Variants in AFF3 observed in about 807,000 individuals in gnomAD.
AFF3 encodes AF4/FMR2 family member 3.
A neutral mutation model predicts 129.7 loss-of-function variants in AFF3; 32 were observed. That is an observed-to-expected ratio of 0.25 (90% CI 0.19 to 0.33). The LOEUF (loss-of-function observed/expected upper bound fraction) is 0.33. Among genes scored for constraint, AFF3 ranks in the 10% least tolerant of loss-of-function variants. The pLI, the probability that AFF3 is intolerant of heterozygous loss-of-function variation, is 1.00. For synonymous variants in AFF3, 644 were observed against 635.4 expected (o/e 1.01, Z -0.20); for missense variants, 1,373 against 1,592.0 (o/e 0.86, Z 2.34).
chr2:99,635,213 T>C (rs1192247529), intron 13 of AFF3, among the ~76,000 whole-genome samples: 1 of 151,926 alleles, frequency 6.6e-6, no homozygotes, highest in Non-Finnish European at 1.5e-5. Context: ...GTATATGATA[T>C]ATACACATAT....
intron 4 of AFF3, among the ~76,000 whole-genome samples, chr2:100,039,176 A>G (rs1414767303): frequency 2.0e-5 from 3 of 152,206 alleles, no homozygotes; most frequent in African/African-American, 7.2e-5. Context: ...AAAATCTACA[A>G]TGGCTTCCCC....
intron 11 of AFF3, among the ~76,000 whole-genome samples, chr2:99,715,873 C>T (rs945222280): frequency 1.3e-5 from 2 of 152,126 alleles, no homozygotes; most frequent in East Asian, 1.9e-4. Context: ...AGGGTTTCAC[C>T]GTGTTAGCCA....
intron 13 of AFF3, among the ~76,000 whole-genome samples, chr2:99,616,057 T>C (rs1681394138): frequency 6.6e-6 from 1 of 152,206 alleles, no homozygotes; most frequent in Non-Finnish European, 1.5e-5. Flanking sequence ...GGTGAAATCA[T>C]GTTGAGGGCA....
intron 7 of AFF3, among the ~76,000 whole-genome samples, chr2:99,944,334 A>C (rs1244681758): frequency 2.6e-5 from 4 of 152,204 alleles, no homozygotes; most frequent in Non-Finnish European, 5.9e-5. Context: ...ATCTGCCAAA[A>C]TTGGGATTGG....
At chr2:100,104,578 C>A in intron 3 of AFF3, 60 bp from the exon 4 acceptor site, 1 of 856,130 alleles carries the variant, frequency 1.2e-6, no homozygotes, top group Admixed American at 6.2e-5. Flanking sequence ...CCGCCGCCCG[C>A]CCACCGCCCA....
chr2:99,581,705 A>C lies in AFF3; in HGVS notation c.2793+1093T>G, dbSNP rs534866712. On this transcript the variant is annotated intron_variant, in intron 17 of 24. Coordinates refer to ENST00000672756, the MANE Select transcript of AFF3 (RefSeq NM_001386135.1). ...GGCCACCCAGCTGGTTGTGATAGGCACAGTGATTATGACAGGGGAGGGTTT... is the reference window on the plus strand; with the variant it reads ...GGCCACCCAGCTGGTTGTGATAGGCCCAGTGATTATGACAGGGGAGGGTTT... Among the ~76,000 whole-genome samples the C allele has an allele frequency of 2.6e-4, 39 of 151,344 alleles. 1 individual carries two copies. In the South Asian group the frequency reaches 5.9e-3, roughly 23 times the overall value.
At chr2:100,015,070 C>G (rs1386643275) in intron 4 of AFF3, among the ~76,000 whole-genome samples, 3 of 150,896 alleles carry the variant, frequency 2.0e-5, no homozygotes, top group Non-Finnish European at 4.4e-5. Context: ...CCCCAAAGTG[C>G]TGGAATTACA....
At chr2:99,641,081 A>G (rs1474995603) in intron 13 of AFF3, among the ~76,000 whole-genome samples, 1 of 152,174 alleles carries the variant, frequency 6.6e-6, no homozygotes, top group African/African-American at 2.4e-5. Flanking sequence ...TGCCCAGGCC[A>G]TTCCTTCTGT....
At chr2:99,738,626 A>T (rs1680451524) in intron 10 of AFF3, among the ~76,000 whole-genome samples, 1 of 152,110 alleles carries the variant, frequency 6.6e-6, no homozygotes, top group Non-Finnish European at 1.5e-5. Context: ...TTAAATAAAA[A>T]ATTGGTTAAC....
rs185289021 is a variant in AFF3 at position 99,683,055 on chromosome 2, G to C, written c.1092-10466C>G. Among the ~76,000 whole-genome samples, 101 of 152,332 alleles carry C rather than the reference G, an allele frequency of 6.6e-4. 1 individual carries two copies. The East Asian group carries it at 0.012, about 19-fold the overall frequency. ...CCTGGCCCTCCTGATGGGTTTGGAAGGCACTAATTCCCTATGTTAAGTGTC... is the reference window on the plus strand; with the variant it reads ...CCTGGCCCTCCTGATGGGTTTGGAACGCACTAATTCCCTATGTTAAGTGTC... On this transcript the variant is annotated intron_variant, in intron 11 of 24. Coordinates refer to ENST00000672756, the MANE Select transcript of AFF3 (RefSeq NM_001386135.1).
At chr2:99,935,030 C>T (rs1190734839) in intron 7 of AFF3, among the ~76,000 whole-genome samples, 1 of 152,172 alleles carries the variant, frequency 6.6e-6, no homozygotes, top group Non-Finnish European at 1.5e-5. Context: ...GTTTTGAATT[C>T]AGGAGAGAAA....
At chr2:100,009,728 A>T (rs1034478738) in intron 4 of AFF3, among the ~76,000 whole-genome samples, 7 of 152,174 alleles carry the variant, frequency 4.6e-5, no homozygotes, top group African/African-American at 1.4e-4. Flanking sequence ...CCTTCCCCCT[A>T]ATAAGGAGAA....
intron 7 of AFF3, among the ~76,000 whole-genome samples, chr2:100,005,516 C>A (rs574509282): frequency 6.6e-6 from 1 of 152,266 alleles, no homozygotes; most frequent in East Asian, 1.9e-4. Flanking sequence ...ATGGTACCTA[C>A]GTGTGTCTCC....
intron 4 of AFF3, among the ~76,000 whole-genome samples, chr2:100,069,067 T>C (rs1471033213): frequency 1.3e-5 from 2 of 151,364 alleles, no homozygotes; most frequent in Non-Finnish European, 3.0e-5. Context: ...GTGTTAAGCC[T>C]AGTACTCTCT....
intron 3 of AFF3, chr2:100,104,798 AGCCGCCGCCGCCGCC>A (rs1161664536): frequency 1.1e-4 from 65 of 615,926 alleles, no homozygotes; most frequent in East Asian, 2.0e-4. Flanking sequence ...CCGCTGCTGC[AGCCGCCGCCGCCGCC>A]GCCGCCGCCG....
chr2:99,657,041 T>A (rs947888625), intron 12 of AFF3, among the ~76,000 whole-genome samples: 2 of 152,114 alleles, frequency 1.3e-5, no homozygotes, highest in Admixed American at 6.6e-5. Context: ...GGCTGTACAG[T>A]CGCTCTAATG....
intron 8 of AFF3, among the ~76,000 whole-genome samples, chr2:99,815,517 G>A (rs1342402431): frequency 6.6e-6 from 1 of 152,096 alleles, no homozygotes; most frequent in African/African-American, 2.4e-5. Context: ...AATTTCTGAT[G>A]CTCTTATTTT....
intron 16 of AFF3, among the ~76,000 whole-genome samples, chr2:99,586,076 T>C (rs1252433490): frequency 6.6e-6 from 1 of 152,178 alleles, no homozygotes; most frequent in Non-Finnish European, 1.5e-5. Context: ...ATACATACGG[T>C]TTATATTCCT....
intron 13 of AFF3, among the ~76,000 whole-genome samples, chr2:99,622,953 A>G (rs1682176097): frequency 6.6e-6 from 1 of 152,188 alleles, no homozygotes; most frequent in Non-Finnish European, 1.5e-5. Context: ...TGCTTCAAAC[A>G]AAGGTAGCCT....
Sources: gnomAD v4.1 joint callset for allele counts (sites outside exome capture counted in the v4.1 genomes callset) on GRCh38, gnomAD v4.1.1 for gene constraint, MANE v1.5 for transcripts, NCBI Gene and HGNC (gene_info 2026-07-23, HGNC 2026-07-21) for gene names.